SDK2: variants seen among roughly 807,000 people sequenced by gnomAD.
The protein encoded by SDK2 is sidekick cell adhesion molecule 2.
SDK2 carries 105 observed loss-of-function variants against 253.9 expected under a neutral mutation model. The ratio of observed to expected loss-of-function variants is 0.41; its 90% CI spans 0.35 to 0.49. The LOEUF (loss-of-function observed/expected upper bound fraction) is 0.49, where lower values mean the gene tolerates loss of function less well. Ranked by LOEUF, SDK2 falls within the 20% of genes least tolerant of loss-of-function variation. The pLI is 0.06. For missense variants in SDK2, 2,608 were observed against 3,003.0 expected (o/e 0.87, Z 3.07); for synonymous variants, 1,249 against 1,234.9 (o/e 1.01, Z -0.24).
At chr17:73,547,207 C>T (rs1229776054) in intron 1 of SDK2, among the ~76,000 whole-genome samples, 1 of 152,250 alleles carries the variant, frequency 6.6e-6, no homozygotes, top group Non-Finnish European at 1.5e-5. Context: ...AGGCTCTAAG[C>T]CACGCCCCCT....
At chr17:73,556,069 G>C (rs1343743011) in intron 1 of SDK2, among the ~76,000 whole-genome samples, 1 of 152,098 alleles carries the variant, frequency 6.6e-6, no homozygotes, top group Non-Finnish European at 1.5e-5. Flanking sequence ...TGGGCTTGGG[G>C]TGGACAGTTG....
At chr17:73,349,683 T>C (rs1294655003) in intron 43 of SDK2, among the ~76,000 whole-genome samples, 2 of 152,214 alleles carry the variant, frequency 1.3e-5, no homozygotes, top group Non-Finnish European at 1.5e-5. Context: ...TGCTGCCCTT[T>C]GAGGCTGATG....
At position 73,395,104 on chromosome 17, in the gene SDK2, A is replaced by G; in HGVS notation, c.3592+51T>C. ...CGCTTGGATGACCCTGAGGGCATAG[A>G]GACCAAGGAGGGGACAGGCAGCAGG... On this transcript the variant is annotated intron_variant, in intron 25 of 44. Transcript: ENST00000392650. This position sits in a 1 kb window ranked among gnomAD's most constrained non-coding sequence, Gnocchi z 4.3. 1 of 1,447,296 alleles carries G rather than the reference A, an allele frequency of 6.9e-7. No individual in the cohort carries two copies. The highest frequency in any genetic ancestry group is 9.4e-7 in the Non-Finnish European group (1 of 1,063,092). 89.7% of individuals were successfully genotyped at this position (1,447,296 alleles called of 1,614,324 possible).
intron 2 of SDK2, among the ~76,000 whole-genome samples, chr17:73,473,946 A>C (rs1221367291): frequency 2.6e-5 from 4 of 152,240 alleles, no homozygotes; most frequent in African/African-American, 9.6e-5. Context: ...ATTTAATTTA[A>C]AAAGGACATT....
intron 1 of SDK2, among the ~76,000 whole-genome samples, chr17:73,601,855 T>A (rs1024339871): frequency 1.1e-4 from 16 of 152,126 alleles, no homozygotes; most frequent in African/African-American, 2.4e-5. Context: ...GTGATTCTCC[T>A]GCCTCAGGCT....
intron 1 of SDK2, among the ~76,000 whole-genome samples, chr17:73,562,112 C>A (rs562983703): frequency 4.6e-5 from 7 of 151,924 alleles, no homozygotes; most frequent in African/African-American, 1.7e-4. Context: ...GGCGACAGAG[C>A]GAAACTCCGT....
At chr17:73,606,305 G>C (rs2143092392) in intron 1 of SDK2, among the ~76,000 whole-genome samples, 1 of 152,234 alleles carries the variant, frequency 6.6e-6, no homozygotes, top group South Asian at 2.1e-4. Flanking sequence ...GGGAAGCTGG[G>C]TGGGGCAGGG....
intron 2 of SDK2, among the ~76,000 whole-genome samples, chr17:73,475,732 T>C (rs567992113): frequency 2.4e-4 from 36 of 152,338 alleles, no homozygotes; most frequent in African/African-American, 7.9e-4. Context: ...GATAGCAAGA[T>C]GCTAAACAAT....
At chr17:73,355,588 C>T (rs1418173095) in intron 40 of SDK2, among the ~76,000 whole-genome samples, 4 of 152,072 alleles carry the variant, frequency 2.6e-5, no homozygotes, top group African/African-American at 7.2e-5. Context: ...CCTCGTGATC[C>T]GCCTGCCTTG....
intron 1 of SDK2, among the ~76,000 whole-genome samples, chr17:73,508,983 G>C (rs1018130857): frequency 6.6e-6 from 1 of 152,218 alleles, no homozygotes. Flanking sequence ...CGGCGGGGAG[G>C]AGTCCAGGCT....
rs1397169178 is a variant in SDK2 at position 73,507,593 on chromosome 17, A to G, written c.69T>C (p.Asp23=). 10 of 1,551,064 alleles carry G rather than the reference A, an allele frequency of 6.4e-6. No individual in the cohort carries two copies. The highest frequency in any genetic ancestry group is 7.8e-6 in the Non-Finnish European group (9 of 1,146,752). ...GCTCTGTCTTGAAATACGGGGACACATCATCTGCAGAAACAGGGAGACAAA... is the reference window on the plus strand; with the variant it reads ...GCTCTGTCTTGAAATACGGGGACACGTCATCTGCAGAAACAGGGAGACAAA... ...HQIRAARAQD[D]VSPYFKTEPV... is the part of the protein sequence containing the mutation. The change falls in exon 2 of 45, where the codon GAT becomes GAC. Residue 23 remains aspartate (D), a synonymous_variant. Transcript: ENST00000392650.
At chr17:73,582,930 C>T (rs997382766) in intron 1 of SDK2, among the ~76,000 whole-genome samples, 3 of 152,198 alleles carry the variant, frequency 2.0e-5, no homozygotes, top group Middle Eastern at 3.2e-3. Flanking sequence ...CATTCTTCCC[C>T]GCTAGCTTCC....
At chr17:73,382,291 C>T (rs2145476136) in intron 33 of SDK2, among the ~76,000 whole-genome samples, 1 of 152,072 alleles carries the variant, frequency 6.6e-6, no homozygotes, top group Admixed American at 6.5e-5. Context: ...GAGTGTCCCA[C>T]ACCCACCTGA....
intron 2 of SDK2, among the ~76,000 whole-genome samples, chr17:73,495,950 A>C (rs565526696): frequency 4.6e-5 from 7 of 152,234 alleles, no homozygotes; most frequent in Non-Finnish European, 8.8e-5. Flanking sequence ...TTTTCTCACC[A>C]TCAGCCTTCA....
chr17:73,463,156 C>T (rs771149448), intron 3 of SDK2, among the ~76,000 whole-genome samples: 2 of 152,228 alleles, frequency 1.3e-5, no homozygotes, highest in Non-Finnish European at 2.9e-5. Context: ...GCTTGCCACA[C>T]TGACTCCCCG....
intron 1 of SDK2, among the ~76,000 whole-genome samples, chr17:73,569,555 G>A (rs1357548875): frequency 2.0e-5 from 3 of 151,604 alleles, no homozygotes; most frequent in Non-Finnish European, 2.9e-5. Flanking sequence ...ATCACGTGGT[G>A]AGGGATGGGG....
chr17:73,352,675 G>A lies in SDK2; in HGVS notation c.5594-38C>T. 1 of 1,607,598 alleles carries A rather than the reference G, an allele frequency of 6.2e-7. No individual in the cohort carries two copies. Among genetic ancestry groups the A allele is most frequent in the Non-Finnish European group, 8.5e-7 (1 of 1,174,938 alleles). ...AGAGATGGAGGCCCTGGGAGGTGAGGGGAAGCCCCAAATCCCGCTCCCAGC... is the reference window on the plus strand; with the variant it reads ...AGAGATGGAGGCCCTGGGAGGTGAGAGGAAGCCCCAAATCCCGCTCCCAGC... On this transcript the variant is annotated intron_variant, in intron 40 of 44. Transcript: ENST00000392650. The surrounding 1 kb of genome is among the most constrained non-coding windows in gnomAD (Gnocchi z 4.1).
chr17:73,363,850 C>T (rs916657884), intron 38 of SDK2, among the ~76,000 whole-genome samples: 7 of 152,088 alleles, frequency 4.6e-5, no homozygotes, highest in African/African-American at 1.7e-4. Flanking sequence ...CTCTGCCCCA[C>T]TCCGGCCCTG....
chr17:73,545,737 A>G (rs1232298255), intron 1 of SDK2, among the ~76,000 whole-genome samples: 2 of 152,146 alleles, frequency 1.3e-5, no homozygotes, highest in African/African-American at 4.8e-5. Flanking sequence ...AGCTACTCTC[A>G]GGAGGGTGAC....
Sources: allele counts gnomAD v4.1 joint callset (sites outside exome capture counted in the v4.1 genomes callset), GRCh38; gene constraint gnomAD v4.1.1; non-coding constraint Gnocchi (gnomAD v3.1); transcripts MANE v1.5; gene names NCBI Gene and HGNC (gene_info 2026-07-23, HGNC 2026-07-21).